The following RYR2 variants were observed in gnomAD, a reference collection of about 807,000 sequenced individuals.
RYR2 encodes the protein cardiac muscle ryanodine receptor-calcium release channel.
A neutral mutation model predicts 601.1 loss-of-function variants in RYR2; 227 were observed. The ratio of observed to expected loss-of-function variants is 0.38; its 90% CI spans 0.34 to 0.42. The LOEUF is 0.42. RYR2 is among the 10% of genes least tolerant of loss of function. The probability of loss-of-function intolerance (pLI) is 1.00; values close to 1 mark genes in which losing one functional copy is unlikely to be tolerated. For synonymous variants in RYR2, 2,223 were observed against 2,175.1 expected (o/e 1.02, Z -0.61); for missense variants, 4,646 against 6,156.5 (o/e 0.75, Z 8.21).
intron 46 of RYR2, among the ~76,000 whole-genome samples, chr1:237,639,850 A>G (rs1248556675): frequency 6.6e-6 from 1 of 152,178 alleles, no homozygotes; most frequent in Non-Finnish European, 1.5e-5. Flanking sequence ...AAGATGTAAC[A>G]TAGGGCTTTA....
chr1:237,323,015 A>C (rs1695783928), intron 2 of RYR2, among the ~76,000 whole-genome samples: 1 of 152,170 alleles, frequency 6.6e-6, no homozygotes, highest in Non-Finnish European at 1.5e-5. Flanking sequence ...TTATTCAAAC[A>C]TCTCTAAACT....
intron 3 of RYR2, among the ~76,000 whole-genome samples, chr1:237,335,967 T>A (rs1278097591): frequency 1.3e-5 from 2 of 152,172 alleles, no homozygotes; most frequent in African/African-American, 2.4e-5. Context: ...TTCTAATCAT[T>A]TGGTGCTTTT....
rs1658452035 is a variant in RYR2, at chr1:237,792,148, G to A, written c.13607G>A (p.Arg4536Lys). 6.2e-7 allele frequency: 1 copy of A among 1,609,714 alleles called. No individual in the cohort carries two copies. Among genetic ancestry groups the A allele is most frequent in the Admixed American group, 1.7e-5 (1 of 59,388 alleles). Residue 4536 changes from arginine to lysine, a missense_variant, in exon 94 of 105, where the codon AGA becomes AAA. Transcript: ENST00000366574. ...GTTGAAGGAAAGGAGCTCCCCACGA[G>A]AAGTTCAAGTGAAAATGCCAAAGTG... Reference protein sequence around the residue: ...SVVEGKELPTRSSSENAKVTS... With the variant: ...SVVEGKELPTKSSSENAKVTS...
chr1:237,529,912 T>A (rs1023509791), intron 24 of RYR2, among the ~76,000 whole-genome samples: 16 of 152,090 alleles, frequency 1.1e-4, no homozygotes, highest in African/African-American at 3.6e-4. Context: ...GGAGGGAGAC[T>A]TACTTTTCAG....
chr1:237,799,406 C>T (rs570874857), intron 97 of RYR2, among the ~76,000 whole-genome samples: 2 of 151,850 alleles, frequency 1.3e-5, no homozygotes, highest in African/African-American at 4.8e-5. Flanking sequence ...ATTTGTGACT[C>T]TAAAAAAAAG....
intron 17 of RYR2, 91 bp downstream of exon 17, chr1:237,469,278 A>AAAC: frequency 2.8e-6 from 2 of 712,682 alleles, no homozygotes; most frequent in East Asian, 4.3e-5. Flanking sequence ...AAAAAAAAAA[A>AAAC]ACAACTTTGA....
At chr1:237,368,477 T>A (rs980141954) in intron 5 of RYR2, among the ~76,000 whole-genome samples, 1 of 152,118 alleles carries the variant, frequency 6.6e-6, no homozygotes, top group Non-Finnish European at 1.5e-5. Flanking sequence ...TGATTGAAGA[T>A]GAGGCTAGAG....
intron 10 of RYR2, among the ~76,000 whole-genome samples, chr1:237,390,930 G>A (rs1259644849): frequency 1.3e-5 from 2 of 152,146 alleles, no homozygotes; most frequent in South Asian, 2.1e-4. Flanking sequence ...TTACATGGGT[G>A]AAATTAGATT....
chr1:237,354,579 T>G (rs1410562326), intron 3 of RYR2, among the ~76,000 whole-genome samples: 2 of 152,214 alleles, frequency 1.3e-5, no homozygotes, highest in African/African-American at 2.4e-5. Flanking sequence ...ATTCGCCCTT[T>G]TAGAGGTAGA....
chr1:237,670,364 A>G (rs1684824583), intron 58 of RYR2, among the ~76,000 whole-genome samples: 1 of 151,308 alleles, frequency 6.6e-6, no homozygotes, highest in African/African-American at 2.4e-5. Flanking sequence ...GAGAGGGAGA[A>G]GATTCCACAT....
At chr1:237,309,867 C>A (rs1415704183) in intron 2 of RYR2, among the ~76,000 whole-genome samples, 3 of 152,156 alleles carry the variant, frequency 2.0e-5, no homozygotes, top group Non-Finnish European at 4.4e-5. Flanking sequence ...GCTGCTGCCG[C>A]AGGTGCTAAG....
At chr1:237,476,752 T>C (rs1261870445) in intron 17 of RYR2, among the ~76,000 whole-genome samples, 1 of 152,158 alleles carries the variant, frequency 6.6e-6, no homozygotes, top group Non-Finnish European at 1.5e-5. Flanking sequence ...GTTTTCCTCC[T>C]TGATATTTAC....
intron 78 of RYR2, 51 bp downstream of exon 78, chr1:237,732,200 C>A: frequency 1.9e-6 from 2 of 1,078,292 alleles, no homozygotes; most frequent in Non-Finnish European, 1.4e-6. Flanking sequence ...ATAAAGACAC[C>A]CGTGTCTGAG....
At chr1:237,526,442 A>T (rs889299421) in intron 24 of RYR2, among the ~76,000 whole-genome samples, 7 of 150,932 alleles carry the variant, frequency 4.6e-5, no homozygotes, top group Non-Finnish European at 7.4e-5. Flanking sequence ...GATTTCCGAG[A>T]CTCAGGCAAA....
chr1:237,604,037 T>C (rs1419033853), intron 35 of RYR2, among the ~76,000 whole-genome samples: 1 of 152,060 alleles, frequency 6.6e-6, no homozygotes, highest in Non-Finnish European at 1.5e-5. Flanking sequence ...AACAAGGATA[T>C]CTAGGAATTG....
chr1:237,618,540 C>T (rs1678732409), intron 38 of RYR2, among the ~76,000 whole-genome samples: 1 of 152,094 alleles, frequency 6.6e-6, no homozygotes, highest in African/African-American at 2.4e-5. Context: ...AGATTTGAAG[C>T]TAAAGAAGAC....
chr1:237,208,968 A>ATATATG (rs1682189057), intron 1 of RYR2, among the ~76,000 whole-genome samples: 12 of 88,768 alleles, frequency 1.4e-4, no homozygotes, highest in Non-Finnish European at 3.1e-4. Flanking sequence ...ATATATATAT[A>ATATATG]TATATATATA....
intron 2 of RYR2, among the ~76,000 whole-genome samples, chr1:237,317,157 A>G (rs1460211671): frequency 1.3e-5 from 2 of 152,194 alleles, no homozygotes; most frequent in Non-Finnish European, 2.9e-5. Context: ...AAAACTTCCA[A>G]TTCAAAGAAA....
intron 2 of RYR2, among the ~76,000 whole-genome samples, chr1:237,286,606 T>C (rs1251884630): frequency 6.6e-6 from 1 of 151,658 alleles, no homozygotes; most frequent in Non-Finnish European, 1.5e-5. Flanking sequence ...TTGTTTTGTC[T>C]GATATAAGAA....
Sources: gnomAD v4.1 joint callset for allele counts (sites outside exome capture counted in the v4.1 genomes callset) on GRCh38, gnomAD v4.1.1 for gene constraint, MANE v1.5 for transcripts, NCBI Gene and HGNC (gene_info 2026-07-23, HGNC 2026-07-21) for gene names.